The following MYL3 variants were observed in gnomAD, a reference collection of about 807,000 sequenced individuals.
The protein encoded by MYL3 is myosin light chain 3.
Under a neutral mutation model 21.3 loss-of-function variants are expected in MYL3, and 11 were observed. The ratio of observed to expected loss-of-function variants is 0.52; its 90% CI spans 0.32 to 0.85. The LOEUF is 0.85. Ranked by LOEUF, MYL3 falls within the 40% of genes least tolerant of loss-of-function variation. MYL3 has a pLI of 0.03. For missense variants in MYL3, 206 were observed against 253.3 expected (o/e 0.81, Z 1.27); for synonymous variants, 88 against 91.6 (o/e 0.96, Z 0.22).
chr3:46,869,690 A>C (rs1365330316), intron 1 of MYL3, among the ~76,000 whole-genome samples: 1 of 152,192 alleles, frequency 6.6e-6, no homozygotes, highest in African/African-American at 2.4e-5. Context: ...GGGCGTGAGC[A>C]TGTCTGCGTG....
rs556215019 is a variant in MYL3 at position 46,874,065 on chromosome 3, G to A, written c.-217-7465C>T. Among the ~76,000 whole-genome samples, 15 of 152,376 alleles carry A rather than the reference G, an allele frequency of 9.8e-5. No individual in the cohort carries two copies. The highest frequency in any genetic ancestry group is 3.4e-4 in the African/African-American group (14 of 41,592). On this transcript the variant is annotated intron_variant, in intron 1 of 3. Coordinates refer to the MYL3 transcript ENST00000431168. The surrounding 1 kb of genome is among the most constrained non-coding windows in gnomAD (Gnocchi z 4.1). ...ACCTCAGAGGGCACGGGTGTCGGAAGGCCTGGAGACTTGCTCTGGATGAGC... is the reference window on the plus strand; with the variant it reads ...ACCTCAGAGGGCACGGGTGTCGGAAAGCCTGGAGACTTGCTCTGGATGAGC...
rs552523847 is a variant in MYL3, at chr3:46,859,211, G to A, written c.481+264C>T. Among the ~76,000 whole-genome samples the A allele has an allele frequency of 6.6e-5, 10 of 152,222 alleles. No individual in the cohort carries two copies. The highest frequency in any genetic ancestry group is 1.9e-4 in the East Asian group (1 of 5,174). The stretch of plus-strand genomic sequence containing the variant: ...ACCACCAGGACGGTGGCCTGGAGTC[G>A]TGGGAAGGAGGGGAGCATATCAAGA... On this transcript the variant is annotated intron_variant, in intron 4 of 6. Transcript: ENST00000292327. This position sits in a 1 kb window ranked among gnomAD's most constrained non-coding sequence, Gnocchi z 4.1.
At chr3:46,858,314 G>T in intron 5 of MYL3, 42 bp from the exon 6 acceptor site, 1 of 1,614,086 alleles carries the variant, frequency 6.2e-7, no homozygotes, top group Non-Finnish European at 8.5e-7. Context: ...TGCAACATGG[G>T]GAAGCCATGG....
upstream of MYL3, among the ~76,000 whole-genome samples, chr3:46,866,790 G>C (rs1702051411): frequency 6.6e-6 from 1 of 152,150 alleles, no homozygotes; most frequent in African/African-American, 2.4e-5. Flanking sequence ...TGGGACAGTA[G>C]TGCGGCCAGC....
intron 1 of MYL3, among the ~76,000 whole-genome samples, chr3:46,869,103 G>C (rs144261207): frequency 1.3e-5 from 2 of 152,090 alleles, no homozygotes; most frequent in Non-Finnish European, 2.9e-5. Context: ...TCCAGCTTCC[G>C]GACAGGGGCC....
chr3:46,880,938 A>G (rs1405332888), intron 1 of MYL3: 2 of 152,216 alleles, frequency 1.3e-5, no homozygotes, highest in East Asian at 3.9e-4. Context: ...GAGGAGCTCA[A>G]TATCCACAGG....
intron 1 of MYL3, among the ~76,000 whole-genome samples, chr3:46,877,313 C>T (rs1034097244): frequency 6.6e-6 from 1 of 152,188 alleles, no homozygotes; most frequent in Non-Finnish European, 1.5e-5. Flanking sequence ...TCCAGCCCCC[C>T]TCTGATTTCT....
In MYL3 at chr3:46,863,422, G is replaced by T; in HGVS notation, c.-32C>A. The T allele has an allele frequency of 6.2e-7, 1 of 1,611,780 alleles. No individual in the cohort carries two copies. On this transcript the variant is annotated 5_prime_UTR_variant, in exon 1 of 7. Coordinates refer to ENST00000292327, the MANE Select transcript of MYL3 (RefSeq NM_000258.3). ...CTGTAAGTACAGAGAGGGATGTGGA[G>T]AGAAGAATGCAGAAAGCAGGGTAGG... is the stretch of plus-strand genomic sequence containing the variant.
chr3:46,867,636 G>A (rs73833658), upstream of MYL3, among the ~76,000 whole-genome samples: 1,683 of 152,340 alleles, frequency 0.011, 31 homozygotes, highest in African/African-American at 0.038. Context: ...CGCAGTCTCC[G>A]CAGGCAGCCA....
chr3:46,858,599 A>G lies in MYL3; in HGVS notation c.482-138T>C, dbSNP rs545557398. On this transcript the variant is annotated intron_variant, in intron 4 of 6. Transcript: ENST00000292327. ...CAGCACTGTTCACAAGACCTTGGCC[A>G]TCACCCCATTTCTGAGGCCAGGAGA... is the stretch of plus-strand genomic sequence containing the variant. The G allele has an allele frequency of 8.3e-5, 70 of 840,588 alleles. 1 individual carries two copies. In the Admixed American group the frequency reaches 1.2e-3, roughly 14 times the overall value. 52.1% of individuals were successfully genotyped at this position (840,588 alleles called of 1,614,324 possible). A position where few individuals can be genotyped will look rare whatever the true frequency, so the allele number is the denominator to read the frequency against.
chr3:46,872,697 C>T (rs1490607931), intron 1 of MYL3, among the ~76,000 whole-genome samples: 4 of 152,214 alleles, frequency 2.6e-5, no homozygotes, highest in African/African-American at 7.2e-5. Context: ...GGATGGGGGT[C>T]GAGGGTGGGT....
At chr3:46,864,453 C>G (rs779835977), upstream of MYL3, among the ~76,000 whole-genome samples, 1 of 152,038 alleles carries the variant, frequency 6.6e-6, no homozygotes, top group Non-Finnish European at 1.5e-5. The surrounding 1 kb of genome is among the most constrained non-coding windows in gnomAD (Gnocchi z 4.7). Flanking sequence ...CTTCCCCTCT[C>G]TACAGGCCCC....
chr3:46,872,870 G>T (rs867563534), intron 1 of MYL3, among the ~76,000 whole-genome samples: 6 of 152,326 alleles, frequency 3.9e-5, no homozygotes, highest in Admixed American at 1.3e-4. Context: ...AACAATGAAG[G>T]GATCTGTCTC....
chr3:46,876,182 A>G (rs2030202673), intron 1 of MYL3, among the ~76,000 whole-genome samples: 1 of 152,282 alleles, frequency 6.6e-6, no homozygotes, highest in South Asian at 2.1e-4. Flanking sequence ...GGCCATGAGC[A>G]GGAAGGCGTC....
chr3:46,873,095 C>T (rs1402795085), intron 1 of MYL3, among the ~76,000 whole-genome samples: 1 of 152,216 alleles, frequency 6.6e-6, no homozygotes, highest in Non-Finnish European at 1.5e-5. Context: ...GCATATCATG[C>T]CGTGCTAAAT....
upstream of MYL3, among the ~76,000 whole-genome samples, chr3:46,865,262 C>T (rs1420802342): frequency 6.6e-6 from 1 of 151,936 alleles, no homozygotes; most frequent in East Asian, 1.9e-4. This position sits in a 1 kb window ranked among gnomAD's most constrained non-coding sequence, Gnocchi z 4.3. Flanking sequence ...AATCTGACAA[C>T]ATCCGGGACT....
intron 1 of MYL3, among the ~76,000 whole-genome samples, chr3:46,873,010 G>C (rs904841662): frequency 1.3e-5 from 2 of 152,186 alleles, no homozygotes; most frequent in Non-Finnish European, 2.9e-5. Flanking sequence ...AGAGATGGAG[G>C]CTTCTCAGCA....
Position 46,860,001 on chromosome 3 carries a change from G to T in MYL3, c.308-353C>A, listed in dbSNP as rs1047564079. Among the ~76,000 whole-genome samples the T allele has an allele frequency of 1.2e-4, 18 of 152,064 alleles. No individual in the cohort carries two copies. The highest frequency in any genetic ancestry group is 5.9e-5 in the Non-Finnish European group (4 of 67,988). Reference sequence around the variant, plus strand: ...ACCTCACCCTCCACCACCTGTGATTGGGTCAGGAGCAGCTAGGCCAATCAG... The same window carrying T: ...ACCTCACCCTCCACCACCTGTGATTTGGTCAGGAGCAGCTAGGCCAATCAG... On this transcript the variant is annotated intron_variant, in intron 3 of 6. Coordinates refer to ENST00000292327, the MANE Select transcript of MYL3 (RefSeq NM_000258.3). This position sits in a 1 kb window ranked among gnomAD's most constrained non-coding sequence, Gnocchi z 4.6.
rs910086382 is a variant in MYL3 at position 46,874,131 on chromosome 3, G to A, written c.-217-7531C>T. 6.6e-6 allele frequency among the ~76,000 whole-genome samples: 1 copy of A among 152,130 alleles called. No individual in the cohort carries two copies. The highest frequency in any genetic ancestry group is 2.1e-4 in the South Asian group (1 of 4,828). On this transcript the variant is annotated intron_variant, in intron 1 of 3. Coordinates refer to the MYL3 transcript ENST00000431168. The surrounding 1 kb of genome is among the most constrained non-coding windows in gnomAD (Gnocchi z 4.1). ...ATGCCATTGCCCTTCTCTGGATGTC[G>A]CTTTCCCATACACGGTTTTATAAAC...
Sources: allele counts gnomAD v4.1 joint callset (sites outside exome capture counted in the v4.1 genomes callset), GRCh38; gene constraint gnomAD v4.1.1; non-coding constraint Gnocchi (gnomAD v3.1); transcripts MANE v1.5; gene names NCBI Gene and HGNC (gene_info 2026-07-23, HGNC 2026-07-21).